Variants in POU2F2 observed in about 807,000 individuals in gnomAD.
POU2F2 encodes the protein POU domain, class 2, transcription factor 2.
A neutral mutation model predicts 63.5 loss-of-function variants in POU2F2; 14 were observed. That is an observed-to-expected ratio of 0.22 (90% CI 0.15 to 0.34). The LOEUF (loss-of-function observed/expected upper bound fraction) is 0.34, where lower values mean the gene tolerates loss of function less well. Ranked by LOEUF, POU2F2 falls within the 10% of genes least tolerant of loss-of-function variation. POU2F2 has a pLI of 1.00. For synonymous variants in POU2F2, 306 were observed against 348.6 expected (o/e 0.88, Z 1.36); for missense variants, 607 against 815.2 (o/e 0.74, Z 3.11).
intron 1 of POU2F2, among the ~76,000 whole-genome samples, chr19:42,182,722 A>AG (rs1337210674): frequency 6.6e-6 from 1 of 152,158 alleles, no homozygotes; most frequent in Admixed American, 6.5e-5. Flanking sequence ...GCCCAGAGAC[A>AG]GGGACCCGGA....
intron 2 of POU2F2, among the ~76,000 whole-genome samples, chr19:42,148,837 G>A (rs940071960): frequency 6.7e-5 from 10 of 148,718 alleles, no homozygotes; most frequent in African/African-American, 2.5e-4. Flanking sequence ...CCAGACACCA[G>A]TGATGTCACG....
chr19:42,177,844 G>C (rs1294199430), upstream of POU2F2, among the ~76,000 whole-genome samples: 2 of 151,588 alleles, frequency 1.3e-5, no homozygotes, highest in African/African-American at 2.4e-5. Flanking sequence ...AAGAGAGAGG[G>C]GACAGGACAG....
upstream of POU2F2, among the ~76,000 whole-genome samples, chr19:42,134,320 C>T (rs1219870688): frequency 6.6e-6 from 1 of 152,124 alleles, no homozygotes; most frequent in Non-Finnish European, 1.5e-5. Context: ...ATTCCAGCCC[C>T]CTAGAGCCAG....
intron 2 of POU2F2, among the ~76,000 whole-genome samples, chr19:42,149,234 T>C (rs8108449): frequency 0.81 from 122,793 of 152,198 alleles, 50,250 homozygotes; most frequent in African/African-American, 0.95. Flanking sequence ...GGCAGACAGA[T>C]GGGCCCCACC....
At position 42,096,380 on chromosome 19, in the gene POU2F2, AC is replaced by A. The variant is rs2076922632; in HGVS notation, c.568-138del. On this transcript the variant is annotated intron_variant, in intron 7 of 14. Transcript: ENST00000692977. The surrounding 1 kb of genome is among the most constrained non-coding windows in gnomAD (Gnocchi z 4.1). ...CTGCAGACTCCCCCCGCCTTCCTCCACAAGCACCGTCAATCCCTTTAAAGGT... is the reference window on the plus strand; with the variant it reads ...CTGCAGACTCCCCCCGCCTTCCTCCAAAGCACCGTCAATCCCTTTAAAGGT... 1.0e-5 allele frequency: 9 copies of A among 904,514 alleles called. No individual in the cohort carries two copies. The highest frequency in any genetic ancestry group is 9.8e-6 in the Non-Finnish European group (6 of 614,514). 56.0% of individuals were successfully genotyped at this position (904,514 alleles called of 1,614,324 possible). A position where few individuals can be genotyped will look rare whatever the true frequency, so the allele number is the denominator to read the frequency against.
intron 1 of POU2F2, among the ~76,000 whole-genome samples, chr19:42,171,675 G>A (rs557628048): frequency 1.6e-4 from 25 of 152,272 alleles, no homozygotes; most frequent in Non-Finnish European, 2.6e-4. Flanking sequence ...GCCTCACTGC[G>A]GCGGATTAAG....
chr19:42,141,810 T>C (rs1194676093), intron 2 of POU2F2, among the ~76,000 whole-genome samples: 1 of 152,142 alleles, frequency 6.6e-6, no homozygotes, highest in African/African-American at 2.4e-5. Context: ...ATTTAATATT[T>C]GCTACCATGC....
Position 42,086,940 on chromosome 19 carries a change from A to C in POU2F2, c.*4317T>G, listed in dbSNP as rs1250513563. On this transcript the variant is annotated 3_prime_UTR_variant, in exon 15 of 15. Transcript: ENST00000692977. Reference sequence around the variant, plus strand: ...CAAGGAGCTAACAATTCAAGGACAAATACTTAAAAATATACATTATTTTTT... The same window carrying C: ...CAAGGAGCTAACAATTCAAGGACAACTACTTAAAAATATACATTATTTTTT... 1 of 152,112 alleles carries C rather than the reference A, an allele frequency of 6.6e-6. No homozygotes were observed. The highest frequency in any genetic ancestry group is 1.5e-5 in the Non-Finnish European group (1 of 68,034). The allele number at this position is 152,112 out of a possible 1,614,324, so 9.4% of individuals were successfully genotyped here. A position where few individuals can be genotyped will look rare whatever the true frequency, so the allele number is the denominator to read the frequency against.
rs751132870 is a variant in POU2F2 at position 42,122,146 on chromosome 19, G to A, written c.166C>T (p.Pro56Ser). 3.7e-6 allele frequency: 6 copies of A among 1,613,444 alleles called. No homozygotes were observed. The highest frequency in any genetic ancestry group is 5.1e-6 in the Non-Finnish European group (6 of 1,179,592). ...QNKTSPFSVS[P>S]TGPSTKVGIL... The stretch of plus-strand genomic sequence containing the variant: ...CTTACCTTTGTACTGGGGCCAGTTG[G>A]GGACACGGAGAATGGGGAGGTCTTA... Residue 56 changes from proline (P) to serine (S), a missense_variant, in exon 4 of 15, where the codon CCA (proline) becomes TCA (serine). By Grantham distance (74) the Pro-to-Ser change is moderately conservative (BLOSUM62 -1). Coordinates refer to ENST00000692977, the MANE Select transcript of POU2F2 (RefSeq NM_001394376.1).
intron 2 of POU2F2, among the ~76,000 whole-genome samples, chr19:42,143,657 C>T (rs2034173510): frequency 6.6e-6 from 1 of 152,182 alleles, no homozygotes; most frequent in African/African-American, 2.4e-5. Flanking sequence ...ACCTCAACTC[C>T]TCTCTCCCCA....
chr19:42,148,842 G>A (rs1382222965), intron 2 of POU2F2, among the ~76,000 whole-genome samples: 2 of 151,358 alleles, frequency 1.3e-5, no homozygotes, highest in Non-Finnish European at 2.9e-5. Context: ...CACCAGTGAT[G>A]TCACGGCCCC....
chr19:42,116,956 T>C, intron 5 of POU2F2: 1 of 593,462 alleles, frequency 1.7e-6, no homozygotes, highest in Non-Finnish European at 3.2e-6. Context: ...GAGCTGGGCC[T>C]GGGCTTGCTG....
At position 42,156,336 on chromosome 19, in the gene POU2F2, A is replaced by C. The variant is rs1056008562; in HGVS notation, c.-9+3996T>G. ...AGTCCACAGCTGTCTCCACCCACCC[A>C]GTGACAGAGCACAGGCAGCCAAAAG... is the stretch of plus-strand genomic sequence containing the variant. On this transcript the variant is annotated intron_variant, in intron 2 of 6. Transcript: ENST00000524801. The surrounding 1 kb of genome is among the most constrained non-coding windows in gnomAD (Gnocchi z 4.1). 5.2e-5 allele frequency: 8 copies of C among 152,584 alleles called. No individual in the cohort carries two copies. Among genetic ancestry groups the C allele is most frequent in the African/African-American group, 1.9e-4 (8 of 41,406 alleles). 9.5% of individuals were successfully genotyped at this position (152,584 alleles called of 1,614,324 possible). A position where few individuals can be genotyped will look rare whatever the true frequency, so the allele number is the denominator to read the frequency against.
chr19:42,173,726 T>C (rs2034815908), intron 1 of POU2F2, among the ~76,000 whole-genome samples: 1 of 151,994 alleles, frequency 6.6e-6, no homozygotes. Flanking sequence ...CTGCAAAGAC[T>C]AGCAGAGGGA....
rs552345202 is a variant in POU2F2, at chr19:42,095,204, T to C, written c.1197+82A>G. The stretch of plus-strand genomic sequence containing the variant: ...CTTCTTGTCTCTGTTCTAGGCTCTG[T>C]GGACAACCAGGTAGGGTGGGCTTCA... On this transcript the variant is annotated intron_variant, in intron 11 of 14. Transcript: ENST00000692977. The surrounding 1 kb of genome is among the most constrained non-coding windows in gnomAD (Gnocchi z 7.1). The C allele has an allele frequency of 1.6e-5, 24 of 1,469,372 alleles. No homozygotes were observed. In the African/African-American group the frequency reaches 3.1e-4, roughly 19 times the overall value. The allele number at this position is 1,469,372 out of a possible 1,614,324, so 91.0% of individuals were successfully genotyped here. A position where few individuals can be genotyped will look rare whatever the true frequency, so the allele number is the denominator to read the frequency against.
intron 2 of POU2F2, chr19:42,157,610 G>A (rs1203337314): frequency 1.3e-5 from 2 of 152,276 alleles, no homozygotes; most frequent in Non-Finnish European, 2.9e-5. Flanking sequence ...ATAGACAGAT[G>A]TGTTAGACAA....
chr19:42,141,617 G>A lies in POU2F2; in HGVS notation c.-9+18715C>T, dbSNP rs540966258. ...CTGCCTCAGCCTCCCGAGTAGCTGG[G>A]ATTACAGGCATGCACCACCACACCT... On this transcript the variant is annotated intron_variant, in intron 2 of 6. Coordinates refer to the POU2F2 transcript ENST00000524801. Among the ~76,000 whole-genome samples the A allele has an allele frequency of 1.0e-3, 157 of 151,912 alleles. 1 individual carries two copies. In the Middle Eastern group the frequency reaches 0.02, roughly 20 times the overall value.
chr19:42,108,200 G>T (rs376654752), intron 5 of POU2F2, among the ~76,000 whole-genome samples: 1 of 152,194 alleles, frequency 6.6e-6, no homozygotes, highest in African/African-American at 2.4e-5. Flanking sequence ...AGAGGGCACA[G>T]ACTTATCTAC....
chr19:42,091,306 T>A lies in POU2F2; in HGVS notation c.1826A>T (p.Gln609Leu). 2 of 1,534,326 alleles carry A rather than the reference T, an allele frequency of 1.3e-6. No individual in the cohort carries two copies. The highest frequency in any genetic ancestry group is 1.7e-6 in the Non-Finnish European group (2 of 1,146,738). Residue 609 changes from glutamine (Q) to leucine (L), a missense_variant, in exon 15 of 15, where the codon CAG becomes CTG. By Grantham distance (113) the Gln-to-Leu change is moderately radical. Transcript: ENST00000692977. ...SSSTCSETAA[Q>L]TPGGPGGPEA... Reference sequence around the variant, plus strand: ...GGGCCCCCCTGGACCTCCAGGGGTCTGTGCTGCCGTCTCGCTGCAAGTGGA... The same window carrying A: ...GGGCCCCCCTGGACCTCCAGGGGTCAGTGCTGCCGTCTCGCTGCAAGTGGA...
Sources: gnomAD v4.1 joint callset for allele counts (sites outside exome capture counted in the v4.1 genomes callset) on GRCh38, gnomAD v4.1.1 for gene constraint, Gnocchi (gnomAD v3.1) non-coding constraint, MANE v1.5 for transcripts, NCBI Gene and HGNC (gene_info 2026-07-23, HGNC 2026-07-21) for gene names.